The following GRB14 variants were observed in gnomAD, a reference collection of about 807,000 sequenced individuals.
The protein encoded by GRB14 is growth factor receptor-bound protein 14.
Under a neutral mutation model 69.1 loss-of-function variants are expected in GRB14, and 38 were observed. The ratio of observed to expected loss-of-function variants is 0.55; its 90% CI spans 0.42 to 0.72. GRB14 has a LOEUF of 0.72. Among genes scored for constraint, GRB14 ranks in the 30% least tolerant of loss-of-function variants. The pLI, the probability that GRB14 is intolerant of heterozygous loss-of-function variation, is 0.00. For synonymous variants in GRB14, 247 were observed against 241.3 expected, an observed-to-expected ratio of 1.02 and a Z score of -0.22; for missense variants, 666 against 666.1, an observed-to-expected ratio of 1.00 and a Z score of 0.00.
intron 2 of GRB14, among the ~76,000 whole-genome samples, chr2:164,580,252 C>T (rs1255504872): frequency 1.3e-5 from 2 of 151,862 alleles, no homozygotes; most frequent in East Asian, 2.0e-4. Flanking sequence ...CCAACCACAC[C>T]GGGCTAATTT....
chr2:164,492,812 G>A lies in GRB14; in HGVS notation c.*224C>T, dbSNP rs1033941661. 1 of 410,970 alleles carries A rather than the reference G, an allele frequency of 2.4e-6. No individual in the cohort carries two copies. The allele number at this position is 410,970 out of a possible 1,614,324, so 25.5% of individuals were successfully genotyped here. On this transcript the variant is annotated 3_prime_UTR_variant, in exon 14 of 14. Transcript: ENST00000263915. ...TAAAAATCACACAAGAACACACCAA[G>A]TCATTTTTTTCCTAAGGTTTAATTT...
At chr2:164,544,172 G>C (rs755638899) in intron 3 of GRB14, among the ~76,000 whole-genome samples, 36 of 152,104 alleles carry the variant, frequency 2.4e-4, no homozygotes, top group South Asian at 1.2e-3. Flanking sequence ...CAGTAATAAA[G>C]AAATAAACTT....
At chr2:164,574,240 T>C (rs1442208702) in intron 2 of GRB14, among the ~76,000 whole-genome samples, 3 of 150,570 alleles carry the variant, frequency 2.0e-5, no homozygotes, top group Admixed American at 6.6e-5. Flanking sequence ...GGAAAAATTA[T>C]CTTTTTTTTT....
At chr2:164,616,115 G>C (rs1690285967) in intron 2 of GRB14, among the ~76,000 whole-genome samples, 1 of 152,090 alleles carries the variant, frequency 6.6e-6, no homozygotes. Flanking sequence ...TATAAAAAGA[G>C]GGAAAGGGAA....
chr2:164,598,032 C>A (rs1689825845), intron 2 of GRB14, among the ~76,000 whole-genome samples: 2 of 151,906 alleles, frequency 1.3e-5, no homozygotes, highest in African/African-American at 4.8e-5. Flanking sequence ...AAGCAGAGGA[C>A]ATTCTCTCAC....
rs577197133 is a variant in GRB14, at chr2:164,572,542, G to T, written c.325-24726C>A. On this transcript the variant is annotated intron_variant, in intron 2 of 13. Coordinates refer to ENST00000263915, the MANE Select transcript of GRB14 (RefSeq NM_004490.3). ...TTGCCCATTAAGTGTTAAGCACTTT[G>T]CATATGTTATTTCATTTTATTCTAA... Among the ~76,000 whole-genome samples the T allele has an allele frequency of 3.3e-5, 5 of 152,312 alleles. No individual in the cohort carries two copies. The South Asian group carries it at 1.0e-3, about 32-fold the overall frequency.
At position 164,527,176 on chromosome 2, in the gene GRB14, A is replaced by AAT. The variant is rs57531034; in HGVS notation, c.482-43_482-42dup. 2,333 of 249,246 alleles carry AAT rather than the reference A, an allele frequency of 9.4e-3. 15 individuals carry two copies. Among genetic ancestry groups the AAT allele is most frequent in the East Asian group, 0.028 (164 of 5,884 alleles). 15.4% of individuals were successfully genotyped at this position (249,246 alleles called of 1,614,324 possible). On this transcript the variant is annotated intron_variant, in intron 3 of 13. Transcript: ENST00000263915. Reference sequence around the variant, plus strand: ...CAATGAGTATGTTGACAGATAGACAAATATATATATATATATATATATATA... The same window carrying AAT: ...CAATGAGTATGTTGACAGATAGACAAATATATATATATATATATATATATATA...
At chr2:164,597,360 T>C (rs1225296307) in intron 2 of GRB14, among the ~76,000 whole-genome samples, 1 of 152,152 alleles carries the variant, frequency 6.6e-6, no homozygotes, top group Non-Finnish European at 1.5e-5. Context: ...AATATTTAAT[T>C]TGCACAATAA....
At chr2:164,535,460 C>T (rs940540046) in intron 3 of GRB14, among the ~76,000 whole-genome samples, 1 of 152,132 alleles carries the variant, frequency 6.6e-6, no homozygotes, top group Non-Finnish European at 1.5e-5. Context: ...CAGCGTGGAG[C>T]TCAAATAGAA....
chr2:164,575,519 T>C (rs1015702861), intron 2 of GRB14, among the ~76,000 whole-genome samples: 1 of 152,152 alleles, frequency 6.6e-6, no homozygotes, highest in African/African-American at 2.4e-5. Flanking sequence ...GATAAAATTT[T>C]TCAAAAAGAT....
intron 6 of GRB14, among the ~76,000 whole-genome samples, chr2:164,515,018 A>G (rs1339268884): frequency 1.3e-5 from 2 of 152,158 alleles, no homozygotes; most frequent in Non-Finnish European, 2.9e-5. Context: ...CATTGGCCTG[A>G]GAACAACACT....
intron 2 of GRB14, among the ~76,000 whole-genome samples, chr2:164,564,538 C>T (rs538677116): frequency 4.6e-5 from 7 of 152,080 alleles, no homozygotes; most frequent in African/African-American, 1.7e-4. Flanking sequence ...GGCATTGCTC[C>T]GTATTACACT....
At chr2:164,536,028 G>A (rs1004372534) in intron 3 of GRB14, among the ~76,000 whole-genome samples, 2 of 152,168 alleles carry the variant, frequency 1.3e-5, no homozygotes, top group East Asian at 3.8e-4. Context: ...CCATTAATTC[G>A]AAGGTTCTCA....
At chr2:164,584,657 G>A (rs1172162469) in intron 2 of GRB14, among the ~76,000 whole-genome samples, 2 of 151,608 alleles carry the variant, frequency 1.3e-5, no homozygotes, top group Non-Finnish European at 2.9e-5. Context: ...AAATACAAAG[G>A]AATATGTTGA....
chr2:164,518,116 C>T (rs575436948), intron 6 of GRB14, among the ~76,000 whole-genome samples: 30 of 152,108 alleles, frequency 2.0e-4, no homozygotes, highest in African/African-American at 5.1e-4. Flanking sequence ...CCATATGATA[C>T]GCCACAAAAC....
chr2:164,619,759 C>T lies in GRB14; in HGVS notation c.252G>A (p.Glu84=). 6.2e-7 allele frequency: 1 copy of T among 1,610,316 alleles called. No individual in the cohort carries two copies. Among genetic ancestry groups the T allele is most frequent in the African/African-American group, 1.3e-5 (1 of 74,922 alleles). ...CAGATGTAAATGGAGAACAGCATAG[C>T]TCAGGAAAAGGGTTTGGAATAGATG... The part of the protein sequence containing the change: ...EMPSIPNPFP[E]LCCSPFTSVL... Residue 84 remains glutamate (E), a synonymous_variant, in exon 2 of 14, where the codon GAG becomes GAA. Transcript: ENST00000263915.
intron 2 of GRB14, among the ~76,000 whole-genome samples, chr2:164,614,396 C>T (rs1690236751): frequency 6.6e-6 from 1 of 152,150 alleles, no homozygotes; most frequent in Admixed American, 6.5e-5. Context: ...AATTTTCAGA[C>T]ATTTGAAAGC....
chr2:164,514,742 C>G (rs919238854), intron 6 of GRB14, among the ~76,000 whole-genome samples: 2 of 152,072 alleles, frequency 1.3e-5, no homozygotes, highest in Non-Finnish European at 2.9e-5. Context: ...AGTACAGAAG[C>G]CTTGGCAGGT....
chr2:164,591,202 G>A (rs998153069), intron 2 of GRB14, among the ~76,000 whole-genome samples: 3 of 152,154 alleles, frequency 2.0e-5, no homozygotes, highest in Non-Finnish European at 2.9e-5. Context: ...GACTAGGGAA[G>A]GAGAAAGAGC....
Sources: allele counts gnomAD v4.1 joint callset (sites outside exome capture counted in the v4.1 genomes callset), GRCh38; gene constraint gnomAD v4.1.1; transcripts MANE v1.5; gene names NCBI Gene and HGNC (gene_info 2026-07-23, HGNC 2026-07-21).